RGS6: variants seen among roughly 807,000 people sequenced by gnomAD.
The protein encoded by RGS6 is regulator of G-protein signaling 6.
Under a neutral mutation model 78.5 loss-of-function variants are expected in RGS6, and 30 were observed. That is an observed-to-expected ratio of 0.38 (90% CI 0.29 to 0.52). RGS6 has a LOEUF of 0.52. Among genes scored for constraint, RGS6 ranks in the 20% least tolerant of loss-of-function variants. The pLI is 0.85. For synonymous variants in RGS6, 206 were observed against 206.0 expected (o/e 1.00, Z 0.00); for missense variants, 495 against 609.7 (o/e 0.81, Z 1.98).
chr14:71,914,178 G>A, the RGS6 span, among the ~76,000 whole-genome samples: 2 of 152,238 alleles, frequency 1.3e-5, no homozygotes, highest in Non-Finnish European at 2.9e-5. Context: ...CCAGCTGACT[G>A]CTAAGTTGTA....
At chr14:72,554,219 T>C (rs2097541637) in intron 17 of RGS6, among the ~76,000 whole-genome samples, 1 of 152,252 alleles carries the variant, frequency 6.6e-6, no homozygotes, top group Admixed American at 6.5e-5. Context: ...CTCCGCCTTT[T>C]CAGCTGGCTA....
intron 2 of RGS6, among the ~76,000 whole-genome samples, chr14:72,107,805 G>C (rs879436934): frequency 2.0e-5 from 3 of 152,010 alleles, no homozygotes; most frequent in Admixed American, 6.6e-5. Context: ...GAGTATGCTA[G>C]ATTAGAATAT....
chr14:72,547,593 G>A (rs1302788457), intron 17 of RGS6, among the ~76,000 whole-genome samples: 2 of 152,164 alleles, frequency 1.3e-5, no homozygotes, highest in Non-Finnish European at 2.9e-5. Context: ...GCCGGGGGTG[G>A]GACTCAGAGC....
intron 2 of RGS6, among the ~76,000 whole-genome samples, chr14:72,333,016 C>T (rs994426118): frequency 6.6e-6 from 1 of 152,106 alleles, no homozygotes; most frequent in Non-Finnish European, 1.5e-5. Context: ...AGTTTAAAGC[C>T]GGTCCCTCAT....
intron 2 of RGS6, among the ~76,000 whole-genome samples, chr14:71,981,994 C>T (rs954672688): frequency 3.3e-5 from 5 of 152,058 alleles, no homozygotes; most frequent in African/African-American, 4.8e-5. Flanking sequence ...CGTGGTGCGC[C>T]GTTTTTTAAG....
chr14:72,250,199 C>T (rs1301460609), intron 2 of RGS6, among the ~76,000 whole-genome samples: 1 of 151,318 alleles, frequency 6.6e-6, no homozygotes, highest in East Asian at 1.9e-4. Context: ...ATGTAACTAA[C>T]CTGCACAATG....
chr14:72,056,147 A>G (rs975189896), intron 2 of RGS6, among the ~76,000 whole-genome samples: 2 of 152,218 alleles, frequency 1.3e-5, no homozygotes, highest in Non-Finnish European at 2.9e-5. Context: ...AAACTGCCTC[A>G]TAATAATCCT....
At chr14:72,609,390 G>A in the RGS6 span, among the ~76,000 whole-genome samples, 67 of 152,298 alleles carry the variant, frequency 4.4e-4, no homozygotes, top group African/African-American at 1.5e-3. Context: ...TCCACATCAG[G>A]TGTGGGCTGC....
intron 12 of RGS6, among the ~76,000 whole-genome samples, chr14:72,488,619 C>A (rs1034474645): frequency 6.6e-6 from 1 of 152,206 alleles, no homozygotes; most frequent in East Asian, 1.9e-4. Context: ...GATTCTACTG[C>A]CTTAGGCTGG....
chr14:72,155,513 T>A (rs2096758193), intron 2 of RGS6, among the ~76,000 whole-genome samples: 1 of 152,186 alleles, frequency 6.6e-6, no homozygotes, highest in Non-Finnish European at 1.5e-5. Flanking sequence ...AATTGTGTCA[T>A]TTCAGGAGAA....
intron 2 of RGS6, among the ~76,000 whole-genome samples, chr14:72,032,108 T>G (rs559853197): frequency 7.2e-5 from 11 of 152,344 alleles, no homozygotes; most frequent in Middle Eastern, 6.8e-3. Flanking sequence ...AAATTTCATA[T>G]AGAGACCACA....
intron 3 of RGS6, among the ~76,000 whole-genome samples, chr14:72,370,694 G>T (rs376631441): frequency 2.0e-4 from 30 of 152,236 alleles, no homozygotes; most frequent in African/African-American, 6.7e-4. Context: ...GACAGTACCT[G>T]CAAGAGACTA....
the RGS6 span, among the ~76,000 whole-genome samples, chr14:71,914,894 T>C: frequency 6.6e-6 from 1 of 151,868 alleles, no homozygotes; most frequent in Non-Finnish European, 1.5e-5. Flanking sequence ...ATTTTTAAAT[T>C]GATACAGAGT....
At chr14:72,596,092 G>A in the RGS6 span, among the ~76,000 whole-genome samples, 2 of 152,304 alleles carry the variant, frequency 1.3e-5, no homozygotes, top group Non-Finnish European at 2.9e-5. Flanking sequence ...AAATGTAGTG[G>A]CTTAAAACAA....
intron 3 of RGS6, among the ~76,000 whole-genome samples, chr14:72,432,780 T>G (rs1296671550): frequency 1.3e-5 from 2 of 152,124 alleles, no homozygotes; most frequent in African/African-American, 4.8e-5. Context: ...CTTTTGGTTG[T>G]TGTTTATTTT....
downstream of RGS6, among the ~76,000 whole-genome samples, chr14:72,567,747 A>G (rs2097715291): frequency 6.6e-6 from 1 of 152,146 alleles, no homozygotes; most frequent in African/African-American, 2.4e-5. Context: ...GCAACCTCCA[A>G]ACCCAAGTAG....
intron 2 of RGS6, among the ~76,000 whole-genome samples, chr14:72,252,772 A>G (rs1361577663): frequency 6.6e-6 from 1 of 152,208 alleles, no homozygotes; most frequent in Admixed American, 6.5e-5. Context: ...GTTGAAAACA[A>G]TGATGCAGTC....
In RGS6 at chr14:72,495,271, T is replaced by C. The variant is rs541028866; in HGVS notation, c.965+9T>C. The C allele has an allele frequency of 6.4e-7, 1 of 1,566,670 alleles. No homozygotes were observed. The highest frequency in any genetic ancestry group is 2.2e-5 in the East Asian group (1 of 44,676). ...TGGGACATAGAGATGAGGTAAAAAA[T>C]GTTTTAAGGTTTGGGAGTGGGATGA... On this transcript the variant is annotated intron_variant, in intron 13 of 17. Transcript: ENST00000553525.
chr14:72,154,472 G>A (rs1303966047), intron 2 of RGS6, among the ~76,000 whole-genome samples: 2 of 152,178 alleles, frequency 1.3e-5, no homozygotes, highest in East Asian at 3.9e-4. Flanking sequence ...CACAATTTAT[G>A]TTCCTCTGCT....
Sources: gnomAD v4.1 joint callset for allele counts (sites outside exome capture counted in the v4.1 genomes callset) on GRCh38, gnomAD v4.1.1 for gene constraint, MANE v1.5 for transcripts, NCBI Gene and HGNC (gene_info 2026-07-23, HGNC 2026-07-21) for gene names.